MAGI2: variants seen among roughly 807,000 people sequenced by gnomAD.
The protein encoded by MAGI2 is membrane-associated guanylate kinase, WW and PDZ domain-containing protein 2.
A neutral mutation model predicts 133.3 loss-of-function variants in MAGI2; 35 were observed. That is an observed-to-expected ratio of 0.26 (90% CI 0.20 to 0.35). The LOEUF is 0.35. Ranked by LOEUF, MAGI2 falls within the 10% of genes least tolerant of loss-of-function variation. The pLI is 1.00. For synonymous variants in MAGI2, 729 were observed against 710.6 expected, an observed-to-expected ratio of 1.03 and a Z score of -0.41; for missense variants, 1,636 against 1,863.4, an observed-to-expected ratio of 0.88 and a Z score of 2.25.
At chr7:78,850,323 T>G (rs1468783037) in intron 2 of MAGI2, among the ~76,000 whole-genome samples, 1 of 152,092 alleles carries the variant, frequency 6.6e-6, no homozygotes, top group Non-Finnish European at 1.5e-5. Context: ...GCTGCTGTAG[T>G]GCAAAGTCTC....
At chr7:78,862,535 A>G (rs1372369005) in intron 2 of MAGI2, among the ~76,000 whole-genome samples, 1 of 152,218 alleles carries the variant, frequency 6.6e-6, no homozygotes, top group African/African-American at 2.4e-5. Flanking sequence ...ACCAATATTT[A>G]TAAATGAGGA....
rs1439588086 is a variant in MAGI2, at chr7:78,201,190, A to T, written c.2051T>A (p.Phe684Tyr). ...CTTTGGAGTTTTCCATGGAGAAAAG[A>T]AACCTGTAATAAAGAAAACAATATT... The part of the protein sequence containing the change: ...ETSLIIHRGG[F>Y]FSPWKTPKPI... The change falls in exon 11 of 22, where the codon TTC (phenylalanine) becomes TAC (tyrosine). Residue 684 changes from phenylalanine to tyrosine, a missense_variant. Coordinates refer to ENST00000354212, the MANE Select transcript of MAGI2 (RefSeq NM_012301.4). The T allele has an allele frequency of 4.1e-6, 6 of 1,477,704 alleles. No homozygotes were observed. The highest frequency in any genetic ancestry group is 2.7e-5 in the Admixed American group (1 of 36,728). 91.5% of individuals were successfully genotyped at this position (1,477,704 alleles called of 1,614,324 possible).
intron 6 of MAGI2, among the ~76,000 whole-genome samples, chr7:78,451,527 G>A (rs1404518426): frequency 6.6e-6 from 1 of 152,018 alleles, no homozygotes; most frequent in African/African-American, 2.4e-5. Flanking sequence ...GGAGACCAGA[G>A]GCTGGTGCCT....
At chr7:78,040,344 G>A (rs1003394161) in intron 21 of MAGI2, among the ~76,000 whole-genome samples, 1 of 152,180 alleles carries the variant, frequency 6.6e-6, no homozygotes, top group Admixed American at 6.5e-5. Context: ...AGGATGAGGG[G>A]AGGCACAGGC....
chr7:79,228,369 A>AAAAAAAAAAAAAAAAAC (rs1320539522), intron 1 of MAGI2, among the ~76,000 whole-genome samples: 1 of 148,416 alleles, frequency 6.7e-6, no homozygotes, highest in Non-Finnish European at 1.5e-5. Flanking sequence ...AAAAAAAAAA[A>AAAAAAAAAAAAAAAAAC]AGATCGTGGG....
intron 6 of MAGI2, among the ~76,000 whole-genome samples, chr7:78,433,328 A>C (rs1180602935): frequency 1.3e-5 from 2 of 152,028 alleles, no homozygotes; most frequent in African/African-American, 4.8e-5. Flanking sequence ...ATTTGTATAA[A>C]ATATACCTTT....
chr7:79,202,162 G>A (rs973856379), intron 1 of MAGI2, among the ~76,000 whole-genome samples: 2 of 152,024 alleles, frequency 1.3e-5, no homozygotes, highest in South Asian at 2.1e-4. Flanking sequence ...GTAAATATTG[G>A]TCATTATATA....
intron 2 of MAGI2, among the ~76,000 whole-genome samples, chr7:79,003,111 G>A (rs111400177): frequency 6.6e-6 from 1 of 151,922 alleles, no homozygotes; most frequent in African/African-American, 2.4e-5. Context: ...CAAGCAGCAG[G>A]AAACAGGCTT....
intron 2 of MAGI2, among the ~76,000 whole-genome samples, chr7:78,847,211 A>C (rs2151474282): frequency 6.6e-6 from 1 of 152,146 alleles, no homozygotes; most frequent in Admixed American, 6.6e-5. Context: ...TTTATTGAGT[A>C]ACTTCCGTAT....
At chr7:78,784,023 G>A in intron 2 of MAGI2, among the ~76,000 whole-genome samples, 1 of 151,976 alleles carries the variant, frequency 6.6e-6, no homozygotes, top group East Asian at 1.9e-4. Context: ...CATGTTTTTG[G>A]AATGGTCATA....
chr7:78,464,897 T>C (rs558790678), intron 6 of MAGI2, among the ~76,000 whole-genome samples: 1 of 152,150 alleles, frequency 6.6e-6, no homozygotes, highest in Non-Finnish European at 1.5e-5. Flanking sequence ...TGTTTTAGTC[T>C]AAGAATATTA....
intron 3 of MAGI2, among the ~76,000 whole-genome samples, chr7:78,580,884 A>C (rs1802764463): frequency 6.6e-6 from 1 of 152,206 alleles, no homozygotes; most frequent in South Asian, 2.1e-4. Context: ...AGACAAACAA[A>C]CATCCCACAC....
At chr7:79,362,021 C>CA (rs2129123739) in intron 1 of MAGI2, among the ~76,000 whole-genome samples, 1 of 151,706 alleles carries the variant, frequency 6.6e-6, no homozygotes, top group African/African-American at 2.4e-5. Flanking sequence ...AAAAATCTGG[C>CA]AAAATAAGTC....
intron 3 of MAGI2, among the ~76,000 whole-genome samples, chr7:78,625,368 T>C (rs1445518530): frequency 1.3e-5 from 2 of 151,836 alleles, no homozygotes; most frequent in Non-Finnish European, 2.9e-5. Context: ...AAAAAGCTTA[T>C]AGAATAAGGA....
At chr7:79,156,789 A>G (rs1823820319) in intron 1 of MAGI2, among the ~76,000 whole-genome samples, 1 of 152,072 alleles carries the variant, frequency 6.6e-6, no homozygotes. Flanking sequence ...GCTCAGAATA[A>G]ATATCTTCAA....
At chr7:79,209,024 C>T (rs1336620656) in intron 1 of MAGI2, among the ~76,000 whole-genome samples, 2 of 151,624 alleles carry the variant, frequency 1.3e-5, no homozygotes, top group African/African-American at 2.4e-5. Flanking sequence ...CTGGGGTGGT[C>T]GTCGGGGCAG....
At chr7:78,636,110 A>C (rs956670617) in intron 2 of MAGI2, among the ~76,000 whole-genome samples, 1 of 152,228 alleles carries the variant, frequency 6.6e-6, no homozygotes, top group Admixed American at 6.5e-5. Context: ...ATCACTTATT[A>C]AGTATAAAAA....
intron 3 of MAGI2, among the ~76,000 whole-genome samples, chr7:78,523,411 G>A (rs1379671287): frequency 3.9e-5 from 6 of 151,932 alleles, no homozygotes; most frequent in African/African-American, 9.7e-5. Context: ...CCTGGGAGGC[G>A]GAAGTTGCAG....
chr7:78,410,330 C>T (rs1196162002), intron 6 of MAGI2, among the ~76,000 whole-genome samples: 1 of 152,018 alleles, frequency 6.6e-6, no homozygotes, highest in Non-Finnish European at 1.5e-5. Context: ...TAACATTTTA[C>T]ATCTGCAATG....
Sources: gnomAD v4.1 joint callset for allele counts (sites outside exome capture counted in the v4.1 genomes callset) on GRCh38, gnomAD v4.1.1 for gene constraint, MANE v1.5 for transcripts, NCBI Gene and HGNC (gene_info 2026-07-23, HGNC 2026-07-21) for gene names.